The following KCNB2 variants were observed in gnomAD, a reference collection of about 807,000 sequenced individuals.
KCNB2 encodes the protein delayed rectifier potassium channel protein.
A neutral mutation model predicts 61.5 loss-of-function variants in KCNB2; 15 were observed. The ratio of observed to expected loss-of-function variants is 0.24; its 90% CI spans 0.16 to 0.38. The LOEUF is 0.38. Among genes scored for constraint, KCNB2 ranks in the 10% least tolerant of loss-of-function variants. KCNB2 has a pLI of 1.00. For synonymous variants in KCNB2, 457 were observed against 446.0 expected (o/e 1.02, Z -0.31); for missense variants, 828 against 1,125.2 (o/e 0.74, Z 3.78).
intron 2 of KCNB2, among the ~76,000 whole-genome samples, chr8:72,644,376 C>T (rs1447050777): frequency 2.0e-5 from 3 of 152,060 alleles, no homozygotes; most frequent in Admixed American, 6.6e-5. Context: ...TGCTACTTAT[C>T]CAGTCCTGAC....
intron 2 of KCNB2, among the ~76,000 whole-genome samples, chr8:72,821,663 C>G (rs546794317): frequency 3.9e-4 from 52 of 134,908 alleles, no homozygotes; most frequent in South Asian, 1.7e-3. Context: ...AAAAAAAACA[C>G]ACACACACCA....
At chr8:72,652,719 T>G (rs1360938550) in intron 2 of KCNB2, among the ~76,000 whole-genome samples, 2 of 152,068 alleles carry the variant, frequency 1.3e-5, no homozygotes, top group Non-Finnish European at 2.9e-5. Flanking sequence ...GACATTAATA[T>G]GTTTAGTATG....
intron 2 of KCNB2, among the ~76,000 whole-genome samples, chr8:72,741,454 G>A (rs753159282): frequency 6.6e-6 from 1 of 152,070 alleles, no homozygotes; most frequent in Non-Finnish European, 1.5e-5. Flanking sequence ...GAAGGAACAG[G>A]TAGTGTTTGA....
At chr8:72,739,150 A>G (rs1807901246) in intron 2 of KCNB2, among the ~76,000 whole-genome samples, 1 of 151,878 alleles carries the variant, frequency 6.6e-6, no homozygotes, top group Admixed American at 6.6e-5. Flanking sequence ...CTGACCTACT[A>G]TGTTCTCACT....
At chr8:72,769,139 A>G (rs180712012) in intron 2 of KCNB2, among the ~76,000 whole-genome samples, 1 of 152,304 alleles carries the variant, frequency 6.6e-6, no homozygotes, top group East Asian at 1.9e-4. Flanking sequence ...CAGCCTGGGC[A>G]ACAAGAGTGA....
intron 2 of KCNB2, among the ~76,000 whole-genome samples, chr8:72,934,518 T>C (rs529395352): frequency 6.6e-6 from 1 of 150,686 alleles, no homozygotes; most frequent in Admixed American, 6.6e-5. Context: ...GAGGAAGAAG[T>C]AAGAAGTCCT....
intron 2 of KCNB2, among the ~76,000 whole-genome samples, chr8:72,583,618 G>C (rs900866472): frequency 9.2e-5 from 14 of 152,124 alleles, no homozygotes; most frequent in African/African-American, 3.4e-4. Flanking sequence ...GGGAAGCCTG[G>C]GCGAGTTCTG....
Position 72,567,630 on chromosome 8 carries a change from G to A in KCNB2, c.-93-12G>A, listed in dbSNP as rs1806643588. On this transcript the variant is annotated splice_polypyrimidine_tract_variant and intron_variant, in intron 1 of 2. Transcript: ENST00000523207. ...AAATGCAAGTAACCAAGTGATTGTT[G>A]CTTTCTTCCAGCTTTGTCAGTGGAA... The A allele has an allele frequency of 2.7e-6, 2 of 730,946 alleles. No individual in the cohort carries two copies. The highest frequency in any genetic ancestry group is 4.5e-6 in the Non-Finnish European group (2 of 444,594). The allele number at this position is 730,946 out of a possible 1,614,324, so 45.3% of individuals were successfully genotyped here. A position where few individuals can be genotyped will look rare whatever the true frequency, so the allele number is the denominator to read the frequency against.
chr8:72,581,240 C>T (rs1024108859), intron 2 of KCNB2, among the ~76,000 whole-genome samples: 1 of 152,196 alleles, frequency 6.6e-6, no homozygotes, highest in African/African-American at 2.4e-5. Flanking sequence ...CTATGGCCAC[C>T]ACTACTTCCT....
chr8:72,687,659 G>A lies in KCNB2; in HGVS notation c.579+119346G>A, dbSNP rs144546596. ...GTTTCAAATAGTTAAAGAATTAGTT[G>A]GTTCTTTCAAACTAAAATTTTGTTT... On this transcript the variant is annotated intron_variant, in intron 2 of 2. Transcript: ENST00000523207. 2.1e-3 allele frequency among the ~76,000 whole-genome samples: 318 copies of A among 152,236 alleles called. 3 individuals carry two copies. The highest frequency in any genetic ancestry group is 7.2e-3 in the African/African-American group (299 of 41,550).
At chr8:72,602,617 G>C (rs1276342559) in intron 2 of KCNB2, among the ~76,000 whole-genome samples, 1 of 152,056 alleles carries the variant, frequency 6.6e-6, no homozygotes, top group South Asian at 2.1e-4. Context: ...AAATGTAGTG[G>C]CTTCAGCAAT....
chr8:72,678,695 A>G (rs1806703066), intron 2 of KCNB2, among the ~76,000 whole-genome samples: 1 of 152,200 alleles, frequency 6.6e-6, no homozygotes, highest in Non-Finnish European at 1.5e-5. Context: ...AAGATTTATG[A>G]CGTCAGGGAT....
At chr8:72,847,787 C>A (rs1048148783) in intron 2 of KCNB2, among the ~76,000 whole-genome samples, 3 of 152,070 alleles carry the variant, frequency 2.0e-5, no homozygotes, top group African/African-American at 7.2e-5. Flanking sequence ...ACCATAATAT[C>A]CCAGATATTC....
chr8:72,937,326 G>A lies in KCNB2; in HGVS notation c.1971G>A (p.Glu657=). Residue 657 remains glutamate (E), a synonymous_variant, in exon 3 of 3, where the codon GAG becomes GAA. Coordinates refer to ENST00000523207, the MANE Select transcript of KCNB2 (RefSeq NM_004770.3). ...CCCCGTTTCTAACTCTATCCAGAGAGAAAGGACCTGCTGCCAGGGATGGCA... is the reference window on the plus strand; with the variant it reads ...CCCCGTTTCTAACTCTATCCAGAGAAAAAGGACCTGCTGCCAGGGATGGCA... ...RGPPFLTLSR[E]KGPAARDGTL... 6.2e-7 allele frequency: 1 copy of A among 1,614,044 alleles called. No individual in the cohort carries two copies. The highest frequency in any genetic ancestry group is 8.5e-7 in the Non-Finnish European group (1 of 1,180,004).
chr8:72,664,353 A>G (rs921832592), intron 2 of KCNB2, among the ~76,000 whole-genome samples: 2 of 152,224 alleles, frequency 1.3e-5, no homozygotes, highest in African/African-American at 4.8e-5. Context: ...TTTGAGTTCA[A>G]GCCAGCATGC....
chr8:72,601,347 G>A (rs1003287303), intron 2 of KCNB2, among the ~76,000 whole-genome samples: 5 of 152,152 alleles, frequency 3.3e-5, no homozygotes, highest in Non-Finnish European at 7.3e-5. Context: ...CCAGTGGAGA[G>A]TATGGGAAAT....
chr8:72,731,309 A>G (rs1461876121), intron 2 of KCNB2, among the ~76,000 whole-genome samples: 1 of 152,228 alleles, frequency 6.6e-6, no homozygotes, highest in African/African-American at 2.4e-5. Context: ...AAGAATTAAC[A>G]TACAATTAAA....
intron 2 of KCNB2, among the ~76,000 whole-genome samples, chr8:72,609,741 T>C (rs1805508204): frequency 6.6e-6 from 1 of 152,224 alleles, no homozygotes; most frequent in African/African-American, 2.4e-5. Flanking sequence ...TCTTGAAATA[T>C]TTGTAAAATA....
chr8:72,605,799 G>A (rs564282995), intron 2 of KCNB2, among the ~76,000 whole-genome samples: 49 of 152,144 alleles, frequency 3.2e-4, no homozygotes, highest in African/African-American at 1.1e-3. Context: ...ATATAGAGAA[G>A]ATGGTAATTA....
Sources: gnomAD v4.1 joint callset for allele counts (sites outside exome capture counted in the v4.1 genomes callset) on GRCh38, gnomAD v4.1.1 for gene constraint, MANE v1.5 for transcripts, NCBI Gene and HGNC (gene_info 2026-07-23, HGNC 2026-07-21) for gene names.